TBC1D21: variants seen among roughly 807,000 people sequenced by gnomAD.
The protein encoded by TBC1D21 is male germ cell Rab GTPase-activating protein.
TBC1D21 carries 38 observed loss-of-function variants against 46.0 expected under a neutral mutation model. That is an observed-to-expected ratio of 0.83 (90% CI 0.64 to 1.08). The LOEUF (loss-of-function observed/expected upper bound fraction) is 1.08, where lower values mean the gene tolerates loss of function less well. TBC1D21 is among the 50% of genes least tolerant of loss of function. The pLI is 0.00. For synonymous variants in TBC1D21, 151 were observed against 157.2 expected (o/e 0.96, Z 0.29); for missense variants, 415 against 417.9 (o/e 0.99, Z 0.06).
At chr15:73,902,693 G>A in the TBC1D21 span, among the ~76,000 whole-genome samples, 1 of 152,178 alleles carries the variant, frequency 6.6e-6, no homozygotes, top group South Asian at 2.1e-4. Flanking sequence ...TCCGCTCCAT[G>A]CTTAGCATGG....
chr15:73,895,934 A>G, the TBC1D21 span, among the ~76,000 whole-genome samples: 8 of 152,172 alleles, frequency 5.3e-5, no homozygotes, highest in Non-Finnish European at 1.2e-4. Flanking sequence ...TAGGCACTGA[A>G]CTTTGTGGGG....
Position 73,881,652 on chromosome 15 carries a change from C to A in TBC1D21, c.177C>A (p.His59Gln). 6.2e-7 allele frequency: 1 copy of A among 1,613,592 alleles called. No homozygotes were observed. Among genetic ancestry groups the A allele is most frequent in the African/African-American group, 1.3e-5 (1 of 74,924 alleles). Residue 59 changes from histidine to glutamine, a missense_variant, in exon 3 of 11, where the codon CAC becomes CAA. Coordinates refer to ENST00000300504, the MANE Select transcript of TBC1D21 (RefSeq NM_153356.3). ...TCCCACCCCCACCCCAGGGTCTGCA[C>A]CCCTTCGTGAGGACTGAAGCCTGGA... is the stretch of plus-strand genomic sequence containing the variant. ...ICVNILERGL[H>Q]PFVRTEAWKF...
rs751786594 is a variant in TBC1D21 at position 73,881,730 on chromosome 15, G to A, written c.255G>A (p.Thr85=). The change falls in exon 3 of 11, where the codon ACG becomes ACA. Residue 85 remains threonine, a synonymous_variant. Coordinates refer to ENST00000300504, the MANE Select transcript of TBC1D21 (RefSeq NM_153356.3). ...SWQSSQDERL[T]VDSMRRKNYK... is the part of the protein sequence containing the mutation. ...AGAGTTCCCAGGATGAGCGGCTCAC[G>A]GTGGACAGCATGAGGAGGTAGAACA... is the stretch of plus-strand genomic sequence containing the variant. The A allele has an allele frequency of 3.7e-6, 6 of 1,613,638 alleles. No homozygotes were observed. The highest frequency in any genetic ancestry group is 4.2e-6 in the Non-Finnish European group (5 of 1,179,868).
In TBC1D21 at chr15:73,887,637, G is replaced by A; in HGVS notation, c.795G>A (p.Lys265=). 6.2e-7 allele frequency: 1 copy of A among 1,614,046 alleles called. No homozygotes were observed. The highest frequency in any genetic ancestry group is 8.5e-7 in the Non-Finnish European group (1 of 1,179,992). ...WRLWEVLLTG[K]PCRNFQVLVA... ...ACCCACAGGTTCTGCTGACGGGGAA[G>A]CCCTGCAGGAACTTCCAGGTGCTGG... The change falls in exon 9 of 11, where the codon AAG becomes AAA. Residue 265 remains lysine (K), a synonymous_variant. Coordinates refer to ENST00000300504, the MANE Select transcript of TBC1D21 (RefSeq NM_153356.3).
chr15:73,890,063 A>G (rs2068324021), downstream of TBC1D21, among the ~76,000 whole-genome samples: 1 of 152,212 alleles, frequency 6.6e-6, no homozygotes, highest in Non-Finnish European at 1.5e-5. Context: ...CTGCCCAGTG[A>G]CTACAAGTTT....
downstream of TBC1D21, among the ~76,000 whole-genome samples, chr15:73,893,730 C>T (rs752671496): frequency 2.6e-5 from 4 of 152,112 alleles, no homozygotes; most frequent in Non-Finnish European, 5.9e-5. Flanking sequence ...CCAGCAGAAC[C>T]GAGTCCTGGC....
chr15:73,887,055 C>T (rs969241019), intron 8 of TBC1D21, among the ~76,000 whole-genome samples: 11 of 152,208 alleles, frequency 7.2e-5, no homozygotes, highest in African/African-American at 2.7e-4. Context: ...GACCACAATC[C>T]TCAGGGCCAT....
chr15:73,899,291 C>G, the TBC1D21 span, among the ~76,000 whole-genome samples: 1 of 152,158 alleles, frequency 6.6e-6, no homozygotes, highest in African/African-American at 2.4e-5. Context: ...TGGATGCACC[C>G]TCAATTCCTG....
In TBC1D21 at chr15:73,873,702, C is replaced by T; in HGVS notation, c.-8C>T. On this transcript the variant is annotated 5_prime_UTR_variant, in exon 1 of 11. Coordinates refer to ENST00000300504, the MANE Select transcript of TBC1D21 (RefSeq NM_153356.3). The stretch of plus-strand genomic sequence containing the variant: ...TGATCAGAGGCTGTTCGGAAGACAG[C>T]AGGGGCCATGACCACCCTCTCTCCT... The T allele has an allele frequency of 6.2e-7, 1 of 1,603,572 alleles. No homozygotes were observed. The highest frequency in any genetic ancestry group is 8.5e-7 in the Non-Finnish European group (1 of 1,173,802).
intron 1 of TBC1D21, among the ~76,000 whole-genome samples, chr15:73,875,783 C>A (rs576380174): frequency 6.6e-6 from 1 of 152,330 alleles, no homozygotes; most frequent in South Asian, 2.1e-4. Flanking sequence ...AGCCCCCTCG[C>A]AAACTGCAGA....
At chr15:73,895,321 G>A in the TBC1D21 span, among the ~76,000 whole-genome samples, 2 of 152,166 alleles carry the variant, frequency 1.3e-5, no homozygotes, top group African/African-American at 4.8e-5. Context: ...GACTGTGCAG[G>A]GCACTGTCCA....
At position 73,885,636 on chromosome 15, in the gene TBC1D21, G is replaced by A. The variant is rs543420298; in HGVS notation, c.580-442G>A. On this transcript the variant is annotated intron_variant, in intron 6 of 10. Transcript: ENST00000300504. ...TGGAAAGCCTTTCCTCATGATCTGC[G>A]AGAGGCTGCCCAGAACCCTCCCTCA... Among the ~76,000 whole-genome samples, 12 of 151,978 alleles carry A rather than the reference G, an allele frequency of 7.9e-5. No homozygotes were observed. In the East Asian group the frequency reaches 1.2e-3, roughly 15 times the overall value.
intron 1 of TBC1D21, among the ~76,000 whole-genome samples, chr15:73,875,062 T>C (rs1489606475): frequency 6.6e-6 from 1 of 151,798 alleles, no homozygotes; most frequent in Non-Finnish European, 1.5e-5. Context: ...GCCTGGCCAA[T>C]ATGGCAAAAC....
chr15:73,879,375 A>T (rs966596437), intron 1 of TBC1D21, among the ~76,000 whole-genome samples: 3 of 151,742 alleles, frequency 2.0e-5, no homozygotes, highest in African/African-American at 7.3e-5. Flanking sequence ...CACCCAGCTA[A>T]TTTTTGTTTT....
At chr15:73,908,908 A>AG in the TBC1D21 span, among the ~76,000 whole-genome samples, 1 of 152,166 alleles carries the variant, frequency 6.6e-6, no homozygotes, top group Non-Finnish European at 1.5e-5. Flanking sequence ...CCTGCAGGCT[A>AG]GGGAGCTTGA....
intron 3 of TBC1D21, among the ~76,000 whole-genome samples, 175 bp from the exon 4 acceptor site, chr15:73,883,976 G>A (rs1007168386): frequency 2.6e-5 from 4 of 152,342 alleles, no homozygotes; most frequent in South Asian, 4.1e-4. Flanking sequence ...GGTGCATGTT[G>A]GAGGACAGTT....
At chr15:73,901,981 G>GT in the TBC1D21 span, among the ~76,000 whole-genome samples, 1 of 151,858 alleles carries the variant, frequency 6.6e-6, no homozygotes, top group Admixed American at 6.6e-5. Context: ...CCAGCTAATT[G>GT]TTTTTATTTT....
At position 73,886,590 on chromosome 15, in the gene TBC1D21, A is replaced by G; in HGVS notation, c.755A>G (p.Asp252Gly). ...TTCCAGCGTGCCTTCAAGTCCTTCG[A>G]TGATGTCTGGAGGCTCTGGGAGGTG... ...FCFQRAFKSF[D>G]DVWRLWEVLL... The change falls in exon 8 of 11, where the codon GAT (aspartate) becomes GGT (glycine). Residue 252 changes from aspartate (D) to glycine (G), a missense_variant. Transcript: ENST00000300504. 1 of 1,613,466 alleles carries G rather than the reference A, an allele frequency of 6.2e-7. No individual in the cohort carries two copies. Among genetic ancestry groups the G allele is most frequent in the Non-Finnish European group, 8.5e-7 (1 of 1,179,992 alleles).
chr15:73,886,049 CTCAG>C, intron 6 of TBC1D21, 25 bp from the exon 7 acceptor site: 1 of 1,601,876 alleles, frequency 6.2e-7, no homozygotes, highest in Non-Finnish European at 8.6e-7. Flanking sequence ...CCAAGGGGGA[CTCAG>C]TCTGTCTCCC....
Sources: allele counts gnomAD v4.1 joint callset (sites outside exome capture counted in the v4.1 genomes callset), GRCh38; gene constraint gnomAD v4.1.1; transcripts MANE v1.5; gene names NCBI Gene and HGNC (gene_info 2026-07-23, HGNC 2026-07-21).